Variants in VPS51 observed in about 807,000 individuals in gnomAD.
VPS51 encodes the protein vacuolar protein sorting-associated protein 51 homolog.
Under a neutral mutation model 65.1 loss-of-function variants are expected in VPS51, and 55 were observed. The ratio of observed to expected loss-of-function variants is 0.84; its 90% CI spans 0.68 to 1.06. The LOEUF is 1.06. Among genes scored for constraint, VPS51 ranks in the 50% least tolerant of loss-of-function variants. The pLI is 0.00. For synonymous variants in VPS51, 473 were observed against 489.5 expected, an observed-to-expected ratio of 0.97 and a Z score of 0.44; for missense variants, 943 against 1,101.6, an observed-to-expected ratio of 0.86 and a Z score of 2.04.
At chr11:65,104,168 A>G (rs1334861947) in intron 2 of VPS51, among the ~76,000 whole-genome samples, 2 of 152,200 alleles carry the variant, frequency 1.3e-5, no homozygotes, top group African/African-American at 4.8e-5. Context: ...ACGTCAAGTG[A>G]TCTGCCTGCC....
At chr11:65,109,044 G>C in intron 5 of VPS51, 130 bp downstream of exon 5, 3 of 1,228,786 alleles carry the variant, frequency 2.4e-6, no homozygotes, top group Non-Finnish European at 3.5e-6. Flanking sequence ...GCACGGTCTG[G>C]GGGGTGGGGA....
rs755439481 is a variant in VPS51, at chr11:65,096,264, C to G, written c.14C>G (p.Ala5Gly). The stretch of plus-strand genomic sequence containing the variant: ...GCAGTTGGAACGATGGCGGCGGCAG[C>G]TGCCGCCGGGCCTAGCCCGGGGTCT... MAAA[A>G]AAGPSPGSGP... The change falls in exon 1 of 10, where the codon GCT (alanine) becomes GGT (glycine). Residue 5 changes from alanine to glycine, a missense_variant. Physicochemically the swap from Ala to Gly is moderately conservative, Grantham distance 60 (BLOSUM62 0). Coordinates refer to ENST00000279281, the MANE Select transcript of VPS51 (RefSeq NM_013265.4). 34 of 1,519,794 alleles carry G rather than the reference C, an allele frequency of 2.2e-5. No homozygotes were observed. The Middle Eastern group carries it at 6.9e-4, about 31-fold the overall frequency. 94.1% of individuals were successfully genotyped at this position (1,519,794 alleles called of 1,614,324 possible).
chr11:65,097,112 T>A lies in VPS51; in HGVS notation c.343T>A (p.Phe115Ile). 6.2e-7 allele frequency: 1 copy of A among 1,613,788 alleles called. No individual in the cohort carries two copies. The change falls in exon 2 of 10, where the codon TTC (phenylalanine) becomes ATC (isoleucine). Residue 115 changes from phenylalanine (F) to isoleucine (I), a missense_variant. Phe to Ile is a conservative substitution (Grantham distance 21, BLOSUM62 0). Around this residue, in one of 2 missense-constraint regions of VPS51, gnomAD observed 855 missense variants for 953.7 expected, o/e 0.90. Coordinates refer to ENST00000279281, the MANE Select transcript of VPS51 (RefSeq NM_013265.4). Reference protein sequence around the residue: ...QTLVYENYNKFISATDTIRKM... With the variant: ...QTLVYENYNKIISATDTIRKM... The stretch of plus-strand genomic sequence containing the variant: ...CCTGGTCTATGAGAACTACAACAAG[T>A]TCATCTCAGCCACAGGTGATCCCCA...
At chr11:65,096,505 T>TGGGGG in intron 1 of VPS51, 27 bp downstream of exon 1, 2 of 371,840 alleles carry the variant, frequency 5.4e-6, no homozygotes, top group East Asian at 5.8e-5. Flanking sequence ...AGTGGGGGGG[T>TGGGGG]GCGGGGAGGG....
intron 2 of VPS51, 86 bp downstream of exon 2, chr11:65,097,213 G>A: frequency 1.3e-6 from 2 of 1,572,158 alleles, no homozygotes; most frequent in Non-Finnish European, 1.7e-6. Flanking sequence ...GGATTTAGAG[G>A]GGGGAGACTC....
rs954176017 is a variant in VPS51, at chr11:65,096,343, G to A, written c.93G>A (p.Arg31=). The A allele has an allele frequency of 1.9e-5, 29 of 1,522,810 alleles. No homozygotes were observed. Among genetic ancestry groups the A allele is most frequent in the Non-Finnish European group, 2.5e-5 (29 of 1,142,416 alleles). 94.3% of individuals were successfully genotyped at this position (1,522,810 alleles called of 1,614,324 possible). A position where few individuals can be genotyped will look rare whatever the true frequency, so the allele number is the denominator to read the frequency against. ...GPEGEAPERR[R]KAHGMLKLYY... is the part of the protein sequence containing the mutation. ...AGGGGGAGGCTCCGGAGCGTCGGCG[G>A]AAGGCGCACGGGATGCTGAAGCTTT... is the stretch of plus-strand genomic sequence containing the variant. Residue 31 remains arginine, a synonymous_variant, in exon 1 of 10, where the codon CGG becomes CGA. Coordinates refer to ENST00000279281, the MANE Select transcript of VPS51 (RefSeq NM_013265.4).
chr11:65,107,541 G>C lies in VPS51; in HGVS notation c.359-40G>C. ...GAGCTGAGGTTGCGCCCGCCCTGCA[G>C]TCACCTGCTCTCCCCTTTTCCCCGC... is the stretch of plus-strand genomic sequence containing the variant. On this transcript the variant is annotated intron_variant, in intron 2 of 9. Coordinates refer to ENST00000279281, the MANE Select transcript of VPS51 (RefSeq NM_013265.4). This position sits in a 1 kb window ranked among gnomAD's most constrained non-coding sequence, Gnocchi z 4.0. The C allele has an allele frequency of 6.5e-7, 1 of 1,549,732 alleles. No homozygotes were observed. The highest frequency in any genetic ancestry group is 8.8e-7 in the Non-Finnish European group (1 of 1,141,426).
At chr11:65,099,831 G>A (rs7110646) in intron 2 of VPS51, among the ~76,000 whole-genome samples, 3,031 of 152,028 alleles carry the variant, frequency 0.02, 112 homozygotes, top group African/African-American at 0.068. Flanking sequence ...GGCCAGGTGC[G>A]GTGGCTTATG....
At chr11:65,111,146 TC>T in intron 9 of VPS51, 180 bp from the exon 10 acceptor site, 1 of 938,020 alleles carries the variant, frequency 1.1e-6, no homozygotes, top group Non-Finnish European at 1.7e-6. Context: ...GCCCTACCTG[TC>T]CCCTGCCCTC....
rs761933050 is a variant in VPS51 at position 65,108,477 on chromosome 11, A to G, written c.1006A>G (p.Lys336Glu). 2 of 1,608,122 alleles carry G rather than the reference A, an allele frequency of 1.2e-6. No homozygotes were observed. Among genetic ancestry groups the G allele is most frequent in the African/African-American group, 2.7e-5 (2 of 74,860 alleles). Reference protein sequence around the residue: ...FAAQGPAGAEKLAAFARQLGS... With the variant: ...FAAQGPAGAEELAAFARQLGS... ...GGCCCAGGGCCCAGCAGGTGCCGAGAAGCTGGCGGCCTTCGCCCGGCAGCT... is the reference window on the plus strand; with the variant it reads ...GGCCCAGGGCCCAGCAGGTGCCGAGGAGCTGGCGGCCTTCGCCCGGCAGCT... The change falls in exon 5 of 10, where the codon AAG (lysine) becomes GAG (glutamate). Residue 336 changes from lysine to glutamate, a missense_variant. Physicochemically the swap from Lys to Glu is moderately conservative, Grantham distance 56. Coordinates refer to ENST00000279281, the MANE Select transcript of VPS51 (RefSeq NM_013265.4).
intron 5 of VPS51, 109 bp from the exon 6 acceptor site, chr11:65,109,171 G>T: frequency 2.4e-6 from 3 of 1,235,690 alleles, no homozygotes; most frequent in Non-Finnish European, 2.2e-6. Context: ...GTAGGATGAT[G>T]CTGTCCCTTG....
intron 2 of VPS51, among the ~76,000 whole-genome samples, chr11:65,102,889 C>T (rs1279216642): frequency 1.3e-5 from 2 of 152,214 alleles, no homozygotes; most frequent in Non-Finnish European, 2.9e-5. Context: ...CTCCTGTGCT[C>T]CCAGCACTTT....
chr11:65,108,962 C>T (rs752415010), intron 5 of VPS51, 48 bp downstream of exon 5: 12 of 1,589,166 alleles, frequency 7.6e-6, no homozygotes, highest in Admixed American at 1.7e-5. Context: ...GGTTGACCCT[C>T]CAAAACCTTT....
Position 65,109,230 on chromosome 11 carries a change from C to G in VPS51, c.1444-50C>G, listed in dbSNP as rs751962069. The G allele has an allele frequency of 5.7e-6, 9 of 1,578,590 alleles. No individual in the cohort carries two copies. In the African/African-American group the frequency reaches 9.4e-5, roughly 17 times the overall value. On this transcript the variant is annotated intron_variant, in intron 5 of 9. Coordinates refer to ENST00000279281, the MANE Select transcript of VPS51 (RefSeq NM_013265.4). ...GCCCCAGCAGAGGGTCATTAACAGC[C>G]TTACCTGGAAGAGGGGACCTGCTGT... is the stretch of plus-strand genomic sequence containing the variant.
At position 65,108,679 on chromosome 11, in the gene VPS51, C is replaced by T. The variant is rs1425412470; in HGVS notation, c.1208C>T (p.Ala403Val). The change falls in exon 5 of 10, where the codon GCC becomes GTC. Residue 403 changes from alanine to valine, a missense_variant. Transcript: ENST00000279281. The part of the protein sequence containing the change: ...DAATEIVERV[A>V]RERLGHHLQG... Reference sequence around the variant, plus strand: ...GCCACGGAGATCGTGGAACGAGTGGCCCGCGAGCGCCTGGGCCACCACCTG... The same window carrying T: ...GCCACGGAGATCGTGGAACGAGTGGTCCGCGAGCGCCTGGGCCACCACCTG... 5.7e-6 allele frequency: 9 copies of T among 1,581,708 alleles called. No homozygotes were observed. The highest frequency in any genetic ancestry group is 7.7e-6 in the Non-Finnish European group (9 of 1,168,792).
chr11:65,096,518 G>GGGGGGGGGCC, intron 1 of VPS51, 40 bp downstream of exon 1: 4 of 499,402 alleles, frequency 8.0e-6, no homozygotes, highest in African/African-American at 2.1e-5. Context: ...GGGGAGGGGG[G>GGGGGGGGGCC]AAGGGAACCA....
intron 2 of VPS51, among the ~76,000 whole-genome samples, chr11:65,106,567 T>C (rs958866088): frequency 5.9e-5 from 9 of 152,054 alleles, no homozygotes; most frequent in South Asian, 4.1e-4. Context: ...CTGGCTAACA[T>C]GGTGAAACTC....
chr11:65,101,116 G>T (rs541604163), intron 2 of VPS51, among the ~76,000 whole-genome samples: 17 of 152,282 alleles, frequency 1.1e-4, no homozygotes, highest in African/African-American at 2.2e-4. Context: ...TTCTAGGAGT[G>T]GGGGAATAAG....
At chr11:65,096,503 GGTGCGGGGA>G in intron 1 of VPS51, 25 bp downstream of exon 1, 2 of 1,180,752 alleles carry the variant, frequency 1.7e-6, no homozygotes, top group Middle Eastern at 2.8e-4. Flanking sequence ...GGAGTGGGGG[GGTGCGGGGA>G]GGGGGGAAGG....
Sources: gnomAD v4.1 joint callset for allele counts (sites outside exome capture counted in the v4.1 genomes callset) on GRCh38, gnomAD v4.1.1 for gene constraint, gnomAD v4.1.1 regional missense constraint, Gnocchi (gnomAD v3.1) non-coding constraint, MANE v1.5 for transcripts, NCBI Gene and HGNC (gene_info 2026-07-23, HGNC 2026-07-21) for gene names.